Variants in UNC5D observed in about 807,000 individuals in gnomAD.
The protein encoded by UNC5D is netrin receptor UNC5D.
In UNC5D, 39 loss-of-function variants were observed where a neutral mutation model predicts 105.4. That is an observed-to-expected ratio of 0.37 (90% CI 0.29 to 0.48). The LOEUF is 0.48. Ranked by LOEUF, UNC5D falls within the 20% of genes least tolerant of loss-of-function variation. The probability of loss-of-function intolerance (pLI) is 0.98; values close to 1 mark genes in which losing one functional copy is unlikely to be tolerated. For missense variants in UNC5D, 991 were observed against 1,202.4 expected (o/e 0.82, Z 2.60); for synonymous variants, 452 against 450.4 (o/e 1.00, Z -0.04).
intron 1 of UNC5D, among the ~76,000 whole-genome samples, chr8:35,495,248 A>G (rs1164313027): frequency 1.3e-5 from 2 of 152,108 alleles, no homozygotes; most frequent in Non-Finnish European, 2.9e-5. Flanking sequence ...TAAGGAAAGT[A>G]TGTCAAAATA....
At chr8:35,372,308 A>G (rs1310441635) in intron 1 of UNC5D, among the ~76,000 whole-genome samples, 1 of 151,994 alleles carries the variant, frequency 6.6e-6, no homozygotes, top group Non-Finnish European at 1.5e-5. Context: ...TATTTTTGGT[A>G]GAGACAGGGT....
At chr8:35,240,467 A>T (rs577238339) in intron 1 of UNC5D, among the ~76,000 whole-genome samples, 151 of 152,338 alleles carry the variant, frequency 9.9e-4, no homozygotes, top group African/African-American at 3.4e-3. Context: ...AATAGTACTT[A>T]CTTCATGTGT....
intron 2 of UNC5D, among the ~76,000 whole-genome samples, chr8:35,553,301 G>T (rs550615966): frequency 6.6e-6 from 1 of 150,776 alleles, no homozygotes; most frequent in East Asian, 2.0e-4. Flanking sequence ...TGTGGATAGC[G>T]TTTTTTATTA....
At chr8:35,301,890 C>T (rs1807986451) in intron 1 of UNC5D, among the ~76,000 whole-genome samples, 1 of 152,048 alleles carries the variant, frequency 6.6e-6, no homozygotes, top group African/African-American at 2.4e-5. Context: ...GTAAATAATA[C>T]AGTAATTATT....
intron 5 of UNC5D, 138 bp downstream of exon 5, chr8:35,683,865 C>A: frequency 5.0e-6 from 4 of 793,648 alleles, no homozygotes; most frequent in Non-Finnish European, 6.9e-6. Context: ...TCCTGCCTCC[C>A]TCGTCTGGCA....
intron 7 of UNC5D, 27 bp from the exon 8 acceptor site, chr8:35,705,902 T>C: frequency 7.6e-7 from 1 of 1,307,828 alleles, no homozygotes; most frequent in Non-Finnish European, 1.1e-6. Context: ...AAATGCAACT[T>C]TCTTTTTCTT....
At chr8:35,405,560 T>C (rs1197319154) in intron 1 of UNC5D, among the ~76,000 whole-genome samples, 1 of 152,174 alleles carries the variant, frequency 6.6e-6, no homozygotes, top group Non-Finnish European at 1.5e-5. Context: ...CAATGGTAAA[T>C]GTGAAAGAAG....
At chr8:35,777,590 G>A (rs977319920) in intron 16 of UNC5D, among the ~76,000 whole-genome samples, 10 of 152,164 alleles carry the variant, frequency 6.6e-5, no homozygotes, top group East Asian at 5.8e-4. Context: ...GGACCAGACA[G>A]GAAAGAGTTT....
chr8:35,247,043 GT>G (rs1803149241), intron 1 of UNC5D, among the ~76,000 whole-genome samples: 1 of 151,910 alleles, frequency 6.6e-6, no homozygotes, highest in African/African-American at 2.4e-5. Flanking sequence ...GCTTTTAGAG[GT>G]CATTTCCGTC....
intron 1 of UNC5D, among the ~76,000 whole-genome samples, chr8:35,301,955 G>T (rs540026563): frequency 3.4e-4 from 51 of 152,194 alleles, no homozygotes; most frequent in African/African-American, 1.1e-3. Flanking sequence ...AAAATTATTC[G>T]ACACGGACAG....
intron 1 of UNC5D, among the ~76,000 whole-genome samples, chr8:35,349,057 T>C (rs147920194): frequency 9.4e-4 from 143 of 152,108 alleles, no homozygotes; most frequent in African/African-American, 3.3e-3. Context: ...TTTGGCTTCA[T>C]AGAAAGCTGA....
intron 4 of UNC5D, among the ~76,000 whole-genome samples, chr8:35,656,499 T>C (rs750793378): frequency 2.0e-5 from 3 of 152,228 alleles, no homozygotes; most frequent in Non-Finnish European, 4.4e-5. Context: ...CATTAAGAGT[T>C]AAACACTTCA....
intron 1 of UNC5D, among the ~76,000 whole-genome samples, chr8:35,495,159 C>T (rs75083514): frequency 5.3e-5 from 8 of 152,086 alleles, no homozygotes; most frequent in South Asian, 2.1e-4. Context: ...TTTTTAATCA[C>T]GGGGCAAAGA....
At position 35,339,104 on chromosome 8, in the gene UNC5D, A is replaced by G. The variant is rs570825418; in HGVS notation, c.103+103217A>G. 3.3e-5 allele frequency among the ~76,000 whole-genome samples: 5 copies of G among 152,330 alleles called. No individual in the cohort carries two copies. In the East Asian group the frequency reaches 9.7e-4, roughly 29 times the overall value. ...ACAGACCCATGTAATAGTTTGATGT[A>G]GTCCAAAGTATATTGGCATTGGGAC... On this transcript the variant is annotated intron_variant, in intron 1 of 16. Transcript: ENST00000404895.
chr8:35,520,116 T>C (rs1019103573), intron 1 of UNC5D, among the ~76,000 whole-genome samples: 4 of 152,078 alleles, frequency 2.6e-5, no homozygotes, highest in Non-Finnish European at 5.9e-5. Flanking sequence ...ATCTCGTTCA[T>C]GAAGAGACAT....
At chr8:35,547,201 A>G (rs1159302097) in intron 1 of UNC5D, among the ~76,000 whole-genome samples, 1 of 152,064 alleles carries the variant, frequency 6.6e-6, no homozygotes, top group East Asian at 1.9e-4. Flanking sequence ...TCTTCCTTAT[A>G]CAAAATACCT....
chr8:35,558,139 A>G (rs1816691731), intron 2 of UNC5D, among the ~76,000 whole-genome samples: 1 of 151,630 alleles, frequency 6.6e-6, no homozygotes. Flanking sequence ...AAAAAAAAAA[A>G]AAAAAAAGTC....
chr8:35,525,895 T>C, intron 1 of UNC5D: 1 of 831,834 alleles, frequency 1.2e-6, no homozygotes, highest in Non-Finnish European at 1.8e-6. Flanking sequence ...AATTTTCTTT[T>C]CTCTCCCTGC....
intron 3 of UNC5D, among the ~76,000 whole-genome samples, chr8:35,589,406 CT>C (rs34226092): frequency 0.039 from 5,267 of 136,206 alleles, 95 homozygotes; most frequent in Admixed American, 0.083. Flanking sequence ...GAGCTCTCAT[CT>C]TTTTTTTTTT....
Sources: gnomAD v4.1 joint callset for allele counts (sites outside exome capture counted in the v4.1 genomes callset) on GRCh38, gnomAD v4.1.1 for gene constraint, MANE v1.5 for transcripts, NCBI Gene and HGNC (gene_info 2026-07-23, HGNC 2026-07-21) for gene names.